The following RANBP9 variants were observed in gnomAD, a reference collection of about 807,000 sequenced individuals.
The protein encoded by RANBP9 is RAN binding protein 9, also known as ran-binding protein 9.
Under a neutral mutation model 84.3 loss-of-function variants are expected in RANBP9, and 15 were observed. That is an observed-to-expected ratio of 0.18 (90% confidence interval 0.12 to 0.27). RANBP9 has a LOEUF of 0.27. Ranked by LOEUF, RANBP9 falls within the 10% of genes least tolerant of loss-of-function variation. The pLI, the probability that RANBP9 is intolerant of heterozygous loss-of-function variation, is 1.00. For synonymous variants in RANBP9, 392 were observed against 349.6 expected (o/e 1.12, Z -1.35); for missense variants, 809 against 912.8 (o/e 0.89, Z 1.46).
At chr6:13,633,721 A>C (rs1476057148) in intron 11 of RANBP9, among the ~76,000 whole-genome samples, 2 of 152,216 alleles carry the variant, frequency 1.3e-5, no homozygotes, top group South Asian at 4.1e-4. Flanking sequence ...TTTTTAAAAA[A>C]CAATTTTAGT....
chr6:13,623,442 A>G (rs1342663717), intron 13 of RANBP9, among the ~76,000 whole-genome samples: 4 of 152,216 alleles, frequency 2.6e-5, no homozygotes, highest in African/African-American at 7.2e-5. Flanking sequence ...AAAAAGCACA[A>G]TATCAGAAAG....
chr6:13,629,562 G>A (rs1764717117), intron 12 of RANBP9, among the ~76,000 whole-genome samples: 1 of 152,174 alleles, frequency 6.6e-6, no homozygotes, highest in African/African-American at 2.4e-5. Context: ...ATCTGGAGCA[G>A]TTTCTAAATA....
chr6:13,642,464 C>T lies in RANBP9; in HGVS notation c.1225+15G>A. 1 of 1,447,938 alleles carries T rather than the reference C, an allele frequency of 6.9e-7. No homozygotes were observed. The highest frequency in any genetic ancestry group is 9.4e-7 in the Non-Finnish European group (1 of 1,058,844). 89.7% of individuals were successfully genotyped at this position (1,447,938 alleles called of 1,614,324 possible). The stretch of plus-strand genomic sequence containing the variant: ...TCTGAAAACAAATGTTAGCCATGCA[C>T]CACAGTGTCCTTACTTTGTCTATTC... On this transcript the variant is annotated intron_variant, in intron 7 of 13. Transcript: ENST00000011619.
At chr6:13,638,595 C>G (rs935105824) in intron 9 of RANBP9, among the ~76,000 whole-genome samples, 2 of 152,020 alleles carry the variant, frequency 1.3e-5, no homozygotes, top group Non-Finnish European at 2.9e-5. Flanking sequence ...CTTTGGGAGG[C>G]TGAGGCAGGA....
chr6:13,700,443 A>G (rs1757940032), intron 1 of RANBP9, among the ~76,000 whole-genome samples: 1 of 151,974 alleles, frequency 6.6e-6, no homozygotes, highest in Non-Finnish European at 1.5e-5. Context: ...TGATCAGGCC[A>G]GTCTGTAAAC....
At position 13,696,782 on chromosome 6, in the gene RANBP9, T is replaced by G; in HGVS notation, c.683+3A>C. Reference sequence around the variant, plus strand: ...ACGATTTTTCTCACCAAAATTTACTTACCCATCTCTTCCCTTACTGACAAT... The same window carrying G: ...ACGATTTTTCTCACCAAAATTTACTGACCCATCTCTTCCCTTACTGACAAT... On this transcript the variant is annotated splice_donor_region_variant and intron_variant, in intron 2 of 13. Coordinates refer to ENST00000011619, the MANE Select transcript of RANBP9 (RefSeq NM_005493.3). 1 of 1,594,026 alleles carries G rather than the reference T, an allele frequency of 6.3e-7. No homozygotes were observed. Among genetic ancestry groups the G allele is most frequent in the Non-Finnish European group, 8.6e-7 (1 of 1,166,500 alleles).
Position 13,711,170 on chromosome 6 carries a change from G to C in RANBP9, c.336C>G (p.Pro112=). 7.0e-7 allele frequency: 1 copy of C among 1,429,756 alleles called. No homozygotes were observed. Among genetic ancestry groups the C allele is most frequent in the Non-Finnish European group, 9.1e-7 (1 of 1,095,378 alleles). The allele number at this position is 1,429,756 out of a possible 1,614,324, so 88.6% of individuals were successfully genotyped here. A position where few individuals can be genotyped will look rare whatever the true frequency, so the allele number is the denominator to read the frequency against. The change falls in exon 1 of 14, where the codon CCC becomes CCG. Residue 112 remains proline, a synonymous_variant. Transcript: ENST00000011619. The part of the protein sequence containing the change: ...PPAPPGLAAG[P]GPAGGAPTPA... ...GGGTCGGGGCTCCTCCAGCCGGGCC[G>C]GGGCCCGCTGCAAGGCCCGGGGGAG...
intron 2 of RANBP9, among the ~76,000 whole-genome samples, chr6:13,668,416 C>T (rs1486713900): frequency 6.6e-6 from 1 of 151,746 alleles, no homozygotes; most frequent in Non-Finnish European, 1.5e-5. Flanking sequence ...AAAGGCATCA[C>T]AAAAAAACTA....
At chr6:13,634,754 G>A (rs1764894451) in intron 10 of RANBP9, among the ~76,000 whole-genome samples, 1 of 152,124 alleles carries the variant, frequency 6.6e-6, no homozygotes, top group Non-Finnish European at 1.5e-5. Context: ...TACCCCCGGA[G>A]GTAAGGGAGG....
At chr6:13,684,998 G>A (rs1052137917) in intron 2 of RANBP9, among the ~76,000 whole-genome samples, 6 of 152,076 alleles carry the variant, frequency 3.9e-5, no homozygotes, top group Non-Finnish European at 8.8e-5. Flanking sequence ...GCCTTCTCCT[G>A]GACTCACTAG....
At chr6:13,651,539 C>T (rs567931444) in intron 5 of RANBP9, among the ~76,000 whole-genome samples, 1 of 151,846 alleles carries the variant, frequency 6.6e-6, no homozygotes, top group East Asian at 1.9e-4. Flanking sequence ...GGACTACAGG[C>T]GCCCACCACC....
Position 13,637,877 on chromosome 6 carries a change from G to C in RANBP9, c.1604C>G (p.Ser535Cys), listed in dbSNP as rs760380850. The C allele has an allele frequency of 1.1e-5, 18 of 1,608,444 alleles. No homozygotes were observed. The Admixed American group carries it at 2.8e-4, about 25-fold the overall frequency. The change falls in exon 10 of 14, where the codon TCC becomes TGC. Residue 535 changes from serine (S) to cysteine (C), a missense_variant. Physicochemically the swap from Ser to Cys is moderately radical, Grantham distance 112 (BLOSUM62 -1). This residue lies in a region of RANBP9 where 233 missense variants were observed against 234.4 expected (regional missense o/e 0.99). Coordinates refer to ENST00000011619, the MANE Select transcript of RANBP9 (RefSeq NM_005493.3). ...SYCHSNKHQS[S>C]NLNVPELNSI... The stretch of plus-strand genomic sequence containing the variant: ...GTTTAGTTCTGGTACATTCAAGTTG[G>C]ATGACTGGTGTTTATTACTATGGCA...
chr6:13,670,186 G>A (rs377045190), intron 2 of RANBP9, among the ~76,000 whole-genome samples: 60 of 152,200 alleles, frequency 3.9e-4, no homozygotes, highest in African/African-American at 1.3e-3. Context: ...CCAGCTTCTC[G>A]GGAGGCTGAG....
chr6:13,647,284 A>C (rs994399192), intron 5 of RANBP9, among the ~76,000 whole-genome samples: 1 of 152,182 alleles, frequency 6.6e-6, no homozygotes, highest in Non-Finnish European at 1.5e-5. Flanking sequence ...TCAAAATCTA[A>C]TAGTAACAAA....
At chr6:13,704,733 AAAGT>A (rs1166837744) in intron 1 of RANBP9, among the ~76,000 whole-genome samples, 1 of 152,042 alleles carries the variant, frequency 6.6e-6, no homozygotes, top group Non-Finnish European at 1.5e-5. Context: ...CCAGACACAT[AAAGT>A]AATTCTCTAT....
chr6:13,629,030 A>C (rs1285462095), intron 12 of RANBP9, among the ~76,000 whole-genome samples: 1 of 152,264 alleles, frequency 6.6e-6, no homozygotes. Flanking sequence ...TCACTAAAGC[A>C]TCTGACATAA....
chr6:13,692,527 CAAAA>C (rs61237158), intron 2 of RANBP9, among the ~76,000 whole-genome samples: 2 of 28,726 alleles, frequency 7.0e-5, no homozygotes, highest in East Asian at 1.4e-3. Flanking sequence ...AACTCCGTCT[CAAAA>C]AAAAAAAAAA....
intron 1 of RANBP9, among the ~76,000 whole-genome samples, chr6:13,706,646 T>G (rs1239054540): frequency 6.8e-6 from 1 of 147,384 alleles, no homozygotes; most frequent in South Asian, 2.1e-4. Flanking sequence ...TGAGCCAAGA[T>G]GGCGCCACTG....
intron 2 of RANBP9, among the ~76,000 whole-genome samples, chr6:13,678,151 T>C (rs947805210): frequency 2.0e-5 from 3 of 152,098 alleles, no homozygotes; most frequent in African/African-American, 7.2e-5. Flanking sequence ...CAGATGCTCC[T>C]GTGAAAATAT....
Sources: allele counts gnomAD v4.1 joint callset (sites outside exome capture counted in the v4.1 genomes callset), GRCh38; gene constraint gnomAD v4.1.1; regional missense constraint gnomAD v4.1.1; transcripts MANE v1.5; gene names NCBI Gene and HGNC (gene_info 2026-07-23, HGNC 2026-07-21).